GRM7: variants seen among roughly 807,000 people sequenced by gnomAD.
GRM7 encodes the protein glutamate metabotropic receptor 7.
A neutral mutation model predicts 84.5 loss-of-function variants in GRM7; 35 were observed. That is an observed-to-expected ratio of 0.41 (90% CI 0.32 to 0.55). The LOEUF is 0.55. GRM7 is among the 20% of genes least tolerant of loss of function. The pLI is 0.19. For missense variants in GRM7, 1,003 were observed against 1,194.6 expected (o/e 0.84, Z 2.36); for synonymous variants, 487 against 455.1 (o/e 1.07, Z -0.89).
intron 9 of GRM7, chr3:7,694,302 C>A: frequency 4.7e-6 from 1 of 211,944 alleles, no homozygotes; most frequent in Non-Finnish European, 8.2e-6. Flanking sequence ...AAATGTTAAC[C>A]ATCAGTGTTG....
chr3:7,196,252 A>G (rs1695875296), intron 2 of GRM7, among the ~76,000 whole-genome samples: 1 of 152,132 alleles, frequency 6.6e-6, no homozygotes, highest in African/African-American at 2.4e-5. Context: ...TTAACTGATT[A>G]GGTAAGCCAC....
chr3:7,175,193 T>C (rs147450584), intron 2 of GRM7, among the ~76,000 whole-genome samples: 1 of 152,204 alleles, frequency 6.6e-6, no homozygotes, highest in African/African-American at 2.4e-5. Flanking sequence ...ATGATAACTT[T>C]CCTACATTCT....
At chr3:7,663,629 A>G (rs1169986054) in intron 8 of GRM7, among the ~76,000 whole-genome samples, 3 of 152,246 alleles carry the variant, frequency 2.0e-5, no homozygotes. Context: ...TAAATGTTAT[A>G]CATTGTTAAC....
rs1465280210 is a variant in GRM7 at position 6,928,001 on chromosome 3, A to G, written c.519+66094A>G. On this transcript the variant is annotated intron_variant, in intron 1 of 9. Transcript: ENST00000357716. The surrounding 1 kb of genome is among the most constrained non-coding windows in gnomAD (Gnocchi z 4.5). ...TATGTAATCACTAGGTCGCAAATCCACTTGTAACTCACATAGGCAATTTTT... is the reference window on the plus strand; with the variant it reads ...TATGTAATCACTAGGTCGCAAATCCGCTTGTAACTCACATAGGCAATTTTT... Among the ~76,000 whole-genome samples the G allele has an allele frequency of 6.6e-6, 1 of 152,196 alleles. No homozygotes were observed. Among genetic ancestry groups the G allele is most frequent in the Non-Finnish European group, 1.5e-5 (1 of 68,032 alleles).
chr3:7,558,231 A>G (rs779718), intron 7 of GRM7, among the ~76,000 whole-genome samples: 106,153 of 151,878 alleles, frequency 0.7, 37,525 homozygotes, highest in African/African-American at 0.78. Flanking sequence ...AGTTCAGGGG[A>G]ATAATTCTTA....
intron 1 of GRM7, among the ~76,000 whole-genome samples, chr3:6,877,815 A>T (rs112870277): frequency 6.7e-4 from 35 of 52,218 alleles, no homozygotes; most frequent in Non-Finnish European, 4.3e-4. Context: ...GATATCACAC[A>T]CACACACACA....
intron 9 of GRM7, among the ~76,000 whole-genome samples, chr3:7,692,270 C>T (rs536614819): frequency 7.9e-5 from 12 of 152,276 alleles, no homozygotes; most frequent in Admixed American, 4.6e-4. Flanking sequence ...CGACAGGTAG[C>T]TCCTGGCCGG....
intron 4 of GRM7, among the ~76,000 whole-genome samples, chr3:7,309,384 T>G: frequency 6.6e-6 from 1 of 152,142 alleles, no homozygotes; most frequent in East Asian, 1.9e-4. Context: ...GTCATTTGCT[T>G]GTTTTCTTGT....
chr3:7,644,152 ACG>A (rs1182516379), intron 8 of GRM7, among the ~76,000 whole-genome samples: 1 of 116,462 alleles, frequency 8.6e-6, no homozygotes, highest in Admixed American at 8.7e-5. Flanking sequence ...ATATGTCTGT[ACG>A]TATATATATA....
intron 7 of GRM7, among the ~76,000 whole-genome samples, chr3:7,570,009 G>A (rs1319433086): frequency 6.6e-6 from 1 of 152,144 alleles, no homozygotes; most frequent in Non-Finnish European, 1.5e-5. Flanking sequence ...TGCAGGGGAA[G>A]TTCCATTTTT....
intron 8 of GRM7, among the ~76,000 whole-genome samples, chr3:7,612,104 G>A (rs1696875928): frequency 6.6e-6 from 1 of 152,030 alleles, no homozygotes; most frequent in Non-Finnish European, 1.5e-5. Context: ...TAGTAATTCT[G>A]TTGTCATGGT....
chr3:6,983,859 G>A (rs886465101), intron 1 of GRM7, among the ~76,000 whole-genome samples: 8 of 151,118 alleles, frequency 5.3e-5, no homozygotes, highest in Non-Finnish European at 1.2e-4. Context: ...TCTTACTAAA[G>A]ATATCTAACA....
intron 5 of GRM7, among the ~76,000 whole-genome samples, chr3:7,419,129 C>G (rs1696291503): frequency 6.6e-6 from 1 of 152,004 alleles, no homozygotes; most frequent in Admixed American, 6.6e-5. Flanking sequence ...TATATCAACT[C>G]CAATCAGAAA....
At chr3:7,036,907 A>T (rs555089182) in intron 1 of GRM7, among the ~76,000 whole-genome samples, 1 of 152,158 alleles carries the variant, frequency 6.6e-6, no homozygotes, top group Non-Finnish European at 1.5e-5. Context: ...TCCATCTACA[A>T]AATGAGTCTG....
chr3:7,270,110 T>C (rs1698798108), intron 2 of GRM7, among the ~76,000 whole-genome samples: 1 of 152,240 alleles, frequency 6.6e-6, no homozygotes, highest in Non-Finnish European at 1.5e-5. Flanking sequence ...TAAGATGTTC[T>C]CTTGGGATGC....
intron 7 of GRM7, among the ~76,000 whole-genome samples, chr3:7,545,159 T>G (rs1693085685): frequency 6.6e-6 from 1 of 152,258 alleles, no homozygotes; most frequent in Non-Finnish European, 1.5e-5. Flanking sequence ...AGAAAATATA[T>G]ATTTGCTTCC....
At chr3:7,655,624 C>T (rs996390765) in intron 8 of GRM7, among the ~76,000 whole-genome samples, 3 of 152,140 alleles carry the variant, frequency 2.0e-5, no homozygotes, top group African/African-American at 4.8e-5. Flanking sequence ...AAGTGCATTG[C>T]CCATAGAGAG....
At chr3:6,942,418 T>A (rs1304647533) in intron 1 of GRM7, among the ~76,000 whole-genome samples, 2 of 152,136 alleles carry the variant, frequency 1.3e-5, no homozygotes, top group Non-Finnish European at 2.9e-5. Context: ...TCCTCCTGTG[T>A]CTTCTTTTTG....
intron 9 of GRM7, among the ~76,000 whole-genome samples, chr3:7,702,166 G>A (rs1041340749): frequency 1.3e-5 from 2 of 152,168 alleles, no homozygotes; most frequent in Non-Finnish European, 2.9e-5. Context: ...ATAATTGTGG[G>A]CTCTTCAGCT....
Sources: gnomAD v4.1 joint callset for allele counts (sites outside exome capture counted in the v4.1 genomes callset) on GRCh38, gnomAD v4.1.1 for gene constraint, Gnocchi (gnomAD v3.1) non-coding constraint, MANE v1.5 for transcripts, NCBI Gene and HGNC (gene_info 2026-07-23, HGNC 2026-07-21) for gene names.